NAV1: variants seen among roughly 807,000 people sequenced by gnomAD.
NAV1 encodes the protein neuron navigator 1, also known as pore membrane and/or filament interacting like protein 3.
Under a neutral mutation model 175.2 loss-of-function variants are expected in NAV1, and 18 were observed. The observed-to-expected ratio is 0.10, with a 90% CI of 0.07 to 0.15. NAV1 has a LOEUF of 0.15. Ranked by LOEUF, NAV1 falls within the 10% of genes least tolerant of loss-of-function variation. NAV1 has a pLI of 1.00. For synonymous variants in NAV1, 897 were observed against 978.7 expected (o/e 0.92, Z 1.56); for missense variants, 1,731 against 2,436.6 (o/e 0.71, Z 6.10).
chr1:201,711,741 G>T (rs979960261), intron 1 of NAV1, among the ~76,000 whole-genome samples: 1 of 152,096 alleles, frequency 6.6e-6, no homozygotes, highest in Non-Finnish European at 1.5e-5. Context: ...ATGACTTTAG[G>T]TTCCAAAATG....
At chr1:201,751,066 C>T (rs12093968) in intron 3 of NAV1, among the ~76,000 whole-genome samples, 20,786 of 152,210 alleles carry the variant, frequency 0.14, 1,844 homozygotes, top group East Asian at 0.36. Flanking sequence ...GAATTTCACT[C>T]ATAGTTGCCC....
At chr1:201,756,195 G>T (rs1439908088) in intron 3 of NAV1, among the ~76,000 whole-genome samples, 1 of 151,198 alleles carries the variant, frequency 6.6e-6, no homozygotes. Context: ...TTACTACTAA[G>T]GAGCAGTGTT....
chr1:201,686,910 G>A (rs1670708587), intron 1 of NAV1, among the ~76,000 whole-genome samples: 5 of 152,206 alleles, frequency 3.3e-5, no homozygotes, highest in Admixed American at 2.6e-4. Flanking sequence ...CAAAAACCTC[G>A]AGCAGCAGCT....
At chr1:201,800,318 A>G (rs72742039) in intron 15 of NAV1, among the ~76,000 whole-genome samples, 9,815 of 152,278 alleles carry the variant, frequency 0.064, 391 homozygotes, top group South Asian at 0.11. Context: ...TTTATTTTTA[A>G]TTAACTAGTT....
Position 201,657,568 on chromosome 1 carries a change from G to A in NAV1, c.757+8143G>A, listed in dbSNP as rs138564164. ...GTCTGACCTGTTCACCCTGACTCAC[G>A]GGCCCAGTGGAGTCCAGCTCTCCAC... On this transcript the variant is annotated intron_variant, in intron 1 of 29. Transcript: ENST00000367296. Among the ~76,000 whole-genome samples, 459 of 152,224 alleles carry A rather than the reference G, an allele frequency of 3.0e-3. 5 individuals are homozygous for A. Among genetic ancestry groups the A allele is most frequent in the African/African-American group, 9.5e-3 (394 of 41,528 alleles).
At chr1:201,802,136 C>CA (rs771631007) in intron 15 of NAV1, among the ~76,000 whole-genome samples, 315 of 20,280 alleles carry the variant, frequency 0.016, 32 homozygotes, top group Middle Eastern at 0.094. Flanking sequence ...GACTCCGTCT[C>CA]AAAAAAAAAA....
At chr1:201,720,839 G>C (rs1448831574) in intron 3 of NAV1, among the ~76,000 whole-genome samples, 3 of 152,046 alleles carry the variant, frequency 2.0e-5, no homozygotes, top group Non-Finnish European at 4.4e-5. Flanking sequence ...CTGATGGAGA[G>C]ACATGATTCT....
At chr1:201,599,484 T>C (rs1667459079) in intron 2 of NAV1, among the ~76,000 whole-genome samples, 1 of 152,110 alleles carries the variant, frequency 6.6e-6, no homozygotes, top group African/African-American at 2.4e-5. Context: ...GAGCACAAAA[T>C]GAATTTGTTA....
At chr1:201,762,667 ATATT>A (rs1674938759) in intron 3 of NAV1, among the ~76,000 whole-genome samples, 5 of 152,234 alleles carry the variant, frequency 3.3e-5, no homozygotes, top group Non-Finnish European at 7.3e-5. Flanking sequence ...AGCCTCATAA[ATATT>A]TACTATCTGG....
At chr1:201,542,944 A>G (rs922511744) in intron 1 of NAV1, among the ~76,000 whole-genome samples, 10 of 152,210 alleles carry the variant, frequency 6.6e-5, no homozygotes, top group Admixed American at 1.3e-4. Flanking sequence ...ACTGGTGTGT[A>G]GAAACACAGC....
rs966311123 is a variant in NAV1 at position 201,605,706 on chromosome 1, G to A, written c.-33+17057G>A. Among the ~76,000 whole-genome samples the A allele has an allele frequency of 4.6e-5, 7 of 152,348 alleles. No homozygotes were observed. In the South Asian group the frequency reaches 1.5e-3, roughly 32 times the overall value. ...TTAATAGTTGCACAAGTAAGGTAAA[G>A]GAGAATACTTTCCAATAAGCCATAG... On this transcript the variant is annotated intron_variant, in intron 2 of 33. Transcript: ENST00000685211.
intron 1 of NAV1, among the ~76,000 whole-genome samples, chr1:201,559,158 G>A (rs1004305408): frequency 1.3e-5 from 2 of 152,194 alleles, no homozygotes; most frequent in Non-Finnish European, 2.9e-5. Context: ...ATGGAAAGGG[G>A]TTGTTGATAG....
chr1:201,683,329 C>T lies in NAV1; in HGVS notation c.758-29488C>T, dbSNP rs77255329. Among the ~76,000 whole-genome samples the T allele has an allele frequency of 2.8e-3, 419 of 152,244 alleles. 2 individuals carry two copies. In the East Asian group the frequency reaches 0.038, roughly 14 times the overall value. ...TATGAAGGGTCTATACCGGCGATCC[C>T]CACCCTTTTTGGCAACAGGGACCGG... On this transcript the variant is annotated intron_variant, in intron 1 of 29. Coordinates refer to ENST00000367296, the Ensembl canonical transcript of NAV1.
intron 15 of NAV1, chr1:201,795,588 G>A (rs1468313482): frequency 6.6e-6 from 1 of 151,898 alleles, no homozygotes; most frequent in Non-Finnish European, 1.5e-5. Context: ...TTATTTCTTT[G>A]CTTCCTCCAG....
At chr1:201,784,352 T>C (rs769916531) in intron 7 of NAV1, among the ~76,000 whole-genome samples, 3 of 152,054 alleles carry the variant, frequency 2.0e-5, no homozygotes, top group Non-Finnish European at 4.4e-5. Flanking sequence ...GAGACCAGGT[T>C]TCACCATGTT....
intron 1 of NAV1, among the ~76,000 whole-genome samples, chr1:201,554,374 G>A (rs149637015): frequency 5.3e-5 from 8 of 152,292 alleles, no homozygotes; most frequent in Admixed American, 3.9e-4. Context: ...TCTGTTCACC[G>A]ATGGGAAGCC....
intron 2 of NAV1, among the ~76,000 whole-genome samples, chr1:201,602,646 T>G (rs1425843050): frequency 1.5e-5 from 2 of 136,492 alleles, no homozygotes; most frequent in Non-Finnish European, 3.3e-5. Context: ...TGTTTTTTTT[T>G]TTTGGTTTTT....
At chr1:201,558,469 T>C (rs578216187) in intron 1 of NAV1, among the ~76,000 whole-genome samples, 1 of 152,330 alleles carries the variant, frequency 6.6e-6, no homozygotes, top group African/African-American at 2.4e-5. Context: ...TTTGTTTGTT[T>C]TGAGATGGAA....
intron 1 of NAV1, among the ~76,000 whole-genome samples, chr1:201,711,067 C>T (rs2102467119): frequency 6.6e-6 from 1 of 152,356 alleles, no homozygotes; most frequent in Non-Finnish European, 1.5e-5. Flanking sequence ...TGTTTCATGC[C>T]AAGCCATCAA....
Sources: allele counts gnomAD v4.1 joint callset (sites outside exome capture counted in the v4.1 genomes callset), GRCh38; gene constraint gnomAD v4.1.1; transcripts MANE v1.5; gene names NCBI Gene and HGNC (gene_info 2026-07-23, HGNC 2026-07-21).